Variants in XKR9 observed in about 807,000 individuals in gnomAD.
XKR9 encodes the protein XK related 9.
Under a neutral mutation model 32.0 loss-of-function variants are expected in XKR9, and 32 were observed. The observed-to-expected ratio is 1.00, with a 90% CI of 0.76 to 1.34. The LOEUF is 1.34. Among genes scored for constraint, XKR9 ranks in the 40% most tolerant of loss-of-function variants. XKR9 has a pLI of 0.00. For synonymous variants in XKR9, 168 were observed against 143.4 expected, an observed-to-expected ratio of 1.17 and a Z score of -1.22; for missense variants, 546 against 429.7, an observed-to-expected ratio of 1.27 and a Z score of -2.39.
chr8:70,810,201 G>A, the XKR9 span, among the ~76,000 whole-genome samples: 4 of 152,172 alleles, frequency 2.6e-5, no homozygotes, highest in Admixed American at 2.6e-4. Flanking sequence ...AGCTTCATAA[G>A]TGAAGGAGAA....
downstream of XKR9, among the ~76,000 whole-genome samples, chr8:70,790,533 TAC>T (rs1488693104): frequency 6.6e-6 from 1 of 152,062 alleles, no homozygotes; most frequent in African/African-American, 2.4e-5. Flanking sequence ...TCACATTAAT[TAC>T]AGTGTCTTTT....
In XKR9 at chr8:70,719,174, A is replaced by G. The variant is rs1184542184; in HGVS notation, c.493+12021A>G. 4.0e-5 allele frequency among the ~76,000 whole-genome samples: 6 copies of G among 150,958 alleles called. No individual in the cohort carries two copies. The South Asian group carries it at 1.0e-3, about 26-fold the overall frequency. ...TTGATGGGATTTTTTTTTCTTGTAAATTTAAGTTTCTTGTAGATTCTGGAT... is the reference window on the plus strand; with the variant it reads ...TTGATGGGATTTTTTTTTCTTGTAAGTTTAAGTTTCTTGTAGATTCTGGAT... On this transcript the variant is annotated intron_variant, in intron 4 of 4. Transcript: ENST00000408926.
chr8:70,740,925 C>T (rs552518047), downstream of XKR9, among the ~76,000 whole-genome samples: 4 of 152,294 alleles, frequency 2.6e-5, no homozygotes, highest in South Asian at 8.3e-4. Flanking sequence ...GGTCAGGGAC[C>T]CACTTGAGGA....
the XKR9 span, among the ~76,000 whole-genome samples, chr8:70,815,190 C>T: frequency 6.6e-6 from 1 of 151,942 alleles, no homozygotes; most frequent in Admixed American, 6.6e-5. Context: ...CTTTTAAGTT[C>T]AGGATACATG....
At chr8:70,856,884 A>G in the XKR9 span, among the ~76,000 whole-genome samples, 5 of 152,232 alleles carry the variant, frequency 3.3e-5, no homozygotes, top group African/African-American at 1.2e-4. Context: ...CTGGGTACAT[A>G]ACAAAATGAA....
At chr8:70,773,088 T>C (rs1807475406) in intron 2 of XKR9, among the ~76,000 whole-genome samples, 1 of 152,218 alleles carries the variant, frequency 6.6e-6, no homozygotes, top group Non-Finnish European at 1.5e-5. Context: ...ACAAGTCTTG[T>C]CACTTTGTAA....
At chr8:70,851,565 G>A in the XKR9 span, among the ~76,000 whole-genome samples, 6 of 152,068 alleles carry the variant, frequency 3.9e-5, no homozygotes, top group Non-Finnish European at 1.5e-5. Context: ...AAACAGCATG[G>A]TACTGGAACC....
At chr8:70,805,307 C>G in the XKR9 span, among the ~76,000 whole-genome samples, 8 of 152,216 alleles carry the variant, frequency 5.3e-5, no homozygotes, top group Non-Finnish European at 5.9e-5. Flanking sequence ...TGTACCCACG[C>G]CACTGGCGCC....
At chr8:70,935,232 C>T in the XKR9 span, among the ~76,000 whole-genome samples, 4 of 149,218 alleles carry the variant, frequency 2.7e-5, no homozygotes, top group East Asian at 7.8e-4. Flanking sequence ...CACACATACA[C>T]ATTTGATACC....
At chr8:70,911,005 A>G in the XKR9 span, among the ~76,000 whole-genome samples, 16 of 151,854 alleles carry the variant, frequency 1.1e-4, no homozygotes, top group African/African-American at 3.1e-4. Flanking sequence ...TTCTCTTTTG[A>G]CTCTGTCTGC....
intron 1 of XKR9, among the ~76,000 whole-genome samples, chr8:70,673,909 A>T (rs1175283161): frequency 1.3e-5 from 2 of 152,232 alleles, no homozygotes; most frequent in Non-Finnish European, 2.9e-5. Context: ...TCTACTTACA[A>T]CATGCAAGGT....
At chr8:70,810,928 C>A in the XKR9 span, among the ~76,000 whole-genome samples, 15 of 152,172 alleles carry the variant, frequency 9.9e-5, no homozygotes, top group Admixed American at 9.8e-4. Context: ...CTCAGCTCTG[C>A]ACCAAGTGGA....
At chr8:70,813,657 G>T in the XKR9 span, among the ~76,000 whole-genome samples, 1 of 152,134 alleles carries the variant, frequency 6.6e-6, no homozygotes, top group Non-Finnish European at 1.5e-5. Flanking sequence ...TTCTTCAAAA[G>T]AAGATATTTA....
rs368171931 is a variant in XKR9, at chr8:70,681,046, A to G, written c.-13A>G. The G allele has an allele frequency of 1.1e-4, 180 of 1,598,512 alleles. 2 individuals carry two copies. The highest frequency in any genetic ancestry group is 1.1e-3 in the South Asian group (99 of 89,316). The stretch of plus-strand genomic sequence containing the variant: ...AGAAAAAAGTAGATAACGAAAAGCT[A>G]TAGTCATTCGTAATGAAATATACTA... On this transcript the variant is annotated 5_prime_UTR_variant, in exon 3 of 5. Transcript: ENST00000408926.
chr8:70,751,648 C>T (rs1007570115), intron 2 of XKR9, among the ~76,000 whole-genome samples: 22 of 152,026 alleles, frequency 1.4e-4, no homozygotes, highest in Admixed American at 1.2e-3. Flanking sequence ...GGTGATTTGC[C>T]GTTTCTTCTT....
intron 4 of XKR9, among the ~76,000 whole-genome samples, chr8:70,712,525 T>A (rs1280856487): frequency 6.6e-6 from 1 of 152,002 alleles, no homozygotes; most frequent in Non-Finnish European, 1.5e-5. Context: ...TTATAATCCA[T>A]AAAACTGGGA....
the XKR9 span, among the ~76,000 whole-genome samples, chr8:70,966,210 T>C: frequency 1.1e-4 from 16 of 152,198 alleles, no homozygotes; most frequent in Non-Finnish European, 1.5e-4. Flanking sequence ...TCAAATTCCA[T>C]GCAGTTGAAT....
intron 1 of XKR9, among the ~76,000 whole-genome samples, chr8:70,673,476 G>T (rs1039238211): frequency 2.0e-5 from 3 of 152,208 alleles, no homozygotes; most frequent in Non-Finnish European, 4.4e-5. Context: ...GGTAATTGTG[G>T]TATATCCAGG....
the XKR9 span, among the ~76,000 whole-genome samples, chr8:70,869,255 C>T: frequency 4.6e-5 from 7 of 152,260 alleles, no homozygotes; most frequent in South Asian, 8.3e-4. Flanking sequence ...TGTATTATTT[C>T]GTTTTCACAC....
Sources: gnomAD v4.1 joint callset for allele counts (sites outside exome capture counted in the v4.1 genomes callset) on GRCh38, gnomAD v4.1.1 for gene constraint, MANE v1.5 for transcripts, NCBI Gene and HGNC (gene_info 2026-07-23, HGNC 2026-07-21) for gene names.